Variants in KMT2C observed in about 807,000 individuals in gnomAD.
KMT2C encodes the protein lysine methyltransferase 2C.
A neutral mutation model predicts 507.9 loss-of-function variants in KMT2C; 88 were observed. The ratio of observed to expected loss-of-function variants is 0.17; its 90% CI spans 0.15 to 0.21. The LOEUF (loss-of-function observed/expected upper bound fraction) is 0.21. Among genes scored for constraint, KMT2C ranks in the 10% least tolerant of loss-of-function variants. The pLI is 1.00. For synonymous variants in KMT2C, 2,049 were observed against 2,080.8 expected (o/e 0.98, Z 0.42); for missense variants, 4,954 against 5,957.8 (o/e 0.83, Z 5.55).
In KMT2C at chr7:152,337,159, A is replaced by AGACACACC. The variant is rs1211163862; in HGVS notation, c.251-6421_251-6420insGGTGTGTC. 5.3e-5 allele frequency among the ~76,000 whole-genome samples: 8 copies of AGACACACC among 152,318 alleles called. No individual in the cohort carries two copies. The East Asian group carries it at 1.5e-3, about 29-fold the overall frequency. Reference sequence around the variant, plus strand: ...GTGGCACACACCAGTAGACCCAGCTATTCAGGAGGCTGAGGTGGAAGAATC... The same window carrying AGACACACC: ...GTGGCACACACCAGTAGACCCAGCTAGACACACCTTCAGGAGGCTGAGGTGGAAGAATC... On this transcript the variant is annotated intron_variant, in intron 2 of 58. Coordinates refer to ENST00000262189, the MANE Select transcript of KMT2C (RefSeq NM_170606.3).
chr7:152,383,336 G>A (rs2097391163), intron 1 of KMT2C, among the ~76,000 whole-genome samples: 1 of 152,122 alleles, frequency 6.6e-6, no homozygotes, highest in South Asian at 2.1e-4. Flanking sequence ...AGCAACCTTA[G>A]TTTACATTAT....
At chr7:152,327,498 C>T (rs1589216725) in intron 3 of KMT2C, among the ~76,000 whole-genome samples, 1 of 152,312 alleles carries the variant, frequency 6.6e-6, no homozygotes, top group East Asian at 1.9e-4. Context: ...CTGCTCTAAA[C>T]TAGCAAATAT....
chr7:152,364,921 T>C (rs1031785213), intron 1 of KMT2C, among the ~76,000 whole-genome samples: 3 of 137,006 alleles, frequency 2.2e-5, no homozygotes, highest in Admixed American at 7.5e-5. Flanking sequence ...CACAACAAAA[T>C]CTGAAACAGA....
chr7:152,275,047 A>G (rs576625787), intron 6 of KMT2C, among the ~76,000 whole-genome samples: 1 of 152,266 alleles, frequency 6.6e-6, no homozygotes, highest in Admixed American at 6.5e-5. Context: ...ATATCTTCAC[A>G]TGTTACTACA....
At chr7:152,179,149 C>T (rs1026853130) in intron 37 of KMT2C, among the ~76,000 whole-genome samples, 15 of 152,156 alleles carry the variant, frequency 9.9e-5, no homozygotes, top group African/African-American at 3.4e-4. Flanking sequence ...GTGCCTGCCG[C>T]CATAGCCGGC....
At chr7:152,193,863 C>T (rs2093883381) in intron 31 of KMT2C, 146 bp downstream of exon 31, 3 of 564,006 alleles carry the variant, frequency 5.3e-6, no homozygotes, top group South Asian at 5.4e-5. Context: ...CAGTATTTTT[C>T]AATCATTACA....
intron 23 of KMT2C, among the ~76,000 whole-genome samples, chr7:152,212,174 G>T (rs1454818352): frequency 6.6e-6 from 1 of 152,182 alleles, no homozygotes; most frequent in African/African-American, 2.4e-5. Flanking sequence ...CTTGTATCTA[G>T]ATGACTAATC....
At chr7:152,251,719 T>C (rs2095565165) in intron 11 of KMT2C, among the ~76,000 whole-genome samples, 1 of 151,998 alleles carries the variant, frequency 6.6e-6, no homozygotes, top group Non-Finnish European at 1.5e-5. Context: ...AGACCCGGAA[T>C]TCAAATACTA....
intron 9 of KMT2C, among the ~76,000 whole-genome samples, chr7:152,256,296 C>T (rs1388398124): frequency 6.6e-6 from 1 of 151,684 alleles, no homozygotes; most frequent in Non-Finnish European, 1.5e-5. Flanking sequence ...ATTAATAAAT[C>T]TAACTCCATA....
chr7:152,292,026 T>C (rs1382274182), intron 6 of KMT2C, among the ~76,000 whole-genome samples: 3 of 152,214 alleles, frequency 2.0e-5, no homozygotes, highest in Non-Finnish European at 4.4e-5. Flanking sequence ...TAAAATTTTG[T>C]TTTAATTTAC....
chr7:152,390,245 AGTATT>A (rs2097481182), intron 1 of KMT2C, among the ~76,000 whole-genome samples: 1 of 129,250 alleles, frequency 7.7e-6, no homozygotes. Flanking sequence ...AAAGAAAAAA[AGTATT>A]AAATGACATA....
chr7:152,205,267 C>A, intron 24 of KMT2C, 42 bp from the exon 25 acceptor site: 1 of 1,573,496 alleles, frequency 6.4e-7, no homozygotes, highest in Admixed American at 1.7e-5. Context: ...AGTAATTTCT[C>A]CCTACATTTC....
At chr7:152,188,068 A>G (rs577882590) in intron 31 of KMT2C, among the ~76,000 whole-genome samples, 1 of 152,324 alleles carries the variant, frequency 6.6e-6, no homozygotes, top group South Asian at 2.1e-4. Flanking sequence ...TGACTTCTGT[A>G]TTCTCAGATT....
intron 31 of KMT2C, among the ~76,000 whole-genome samples, chr7:152,191,998 C>T (rs1466502686): frequency 6.6e-6 from 1 of 151,116 alleles, no homozygotes; most frequent in Non-Finnish European, 1.5e-5. Flanking sequence ...GGGTAGGCAA[C>T]CTGATTCACC....
intron 2 of KMT2C, among the ~76,000 whole-genome samples, chr7:152,351,217 T>C (rs1244884630): frequency 6.6e-6 from 1 of 152,158 alleles, no homozygotes; most frequent in East Asian, 1.9e-4. Context: ...TATAGTATAG[T>C]AAATATATAA....
chr7:152,426,134 C>T (rs1053430612), intron 1 of KMT2C, among the ~76,000 whole-genome samples: 18 of 151,294 alleles, frequency 1.2e-4, no homozygotes, highest in African/African-American at 4.1e-4. Flanking sequence ...TTTTAAAAAT[C>T]TTTCTTCTAT....
chr7:152,399,134 T>C (rs2097555913), intron 1 of KMT2C, among the ~76,000 whole-genome samples: 1 of 152,140 alleles, frequency 6.6e-6, no homozygotes, highest in Non-Finnish European at 1.5e-5. Flanking sequence ...CAGCCAGTAC[T>C]CGCTTTTATA....
chr7:152,187,509 C>G (rs2129124894), intron 32 of KMT2C, 33 bp from the exon 33 acceptor site: 1 of 1,558,986 alleles, frequency 6.4e-7, no homozygotes, highest in Non-Finnish European at 8.8e-7. Context: ...ACTTTATGAA[C>G]ATAAAATAAC....
intron 9 of KMT2C, among the ~76,000 whole-genome samples, chr7:152,259,446 GCACACACACACACA>G (rs372982101): frequency 7.8e-4 from 105 of 134,788 alleles, no homozygotes; most frequent in South Asian, 5.9e-3. Flanking sequence ...ACACACACGC[GCACACACACACACA>G]CACACACACA....
Sources: gnomAD v4.1 joint callset for allele counts (sites outside exome capture counted in the v4.1 genomes callset) on GRCh38, gnomAD v4.1.1 for gene constraint, MANE v1.5 for transcripts, NCBI Gene and HGNC (gene_info 2026-07-23, HGNC 2026-07-21) for gene names.